Variants in ACTR3C observed in about 807,000 individuals in gnomAD.
ACTR3C encodes actin related protein 3C.
ACTR3C carries 18 observed loss-of-function variants against 26.3 expected under a neutral mutation model. The ratio of observed to expected loss-of-function variants is 0.68; its 90% CI spans 0.47 to 1.01. ACTR3C has a LOEUF of 1.01. ACTR3C is among the 50% of genes least tolerant of loss of function. ACTR3C has a pLI of 0.00. For synonymous variants in ACTR3C, 55 were observed against 94.5 expected, an observed-to-expected ratio of 0.58 and a Z score of 2.42; for missense variants, 184 against 250.7, an observed-to-expected ratio of 0.73 and a Z score of 1.80.
chr7:150,210,701 G>C, the ACTR3C span, among the ~76,000 whole-genome samples: 12 of 149,754 alleles, frequency 8.0e-5, no homozygotes, highest in Non-Finnish European at 1.6e-4. Context: ...AGAAAAAAAA[G>C]ATTGGTTTTC....
the ACTR3C span, among the ~76,000 whole-genome samples, chr7:149,968,971 G>A: frequency 7.9e-5 from 12 of 151,700 alleles, no homozygotes; most frequent in African/African-American, 2.2e-4. Flanking sequence ...AGTCCCATTC[G>A]CTCAGGCACA....
the ACTR3C span, among the ~76,000 whole-genome samples, chr7:149,907,468 C>CTCTCTTCTCT: frequency 1.2e-4 from 14 of 119,636 alleles, no homozygotes; most frequent in East Asian, 1.2e-3. Context: ...CCTCTCTTGC[C>CTCTCTTCTCT]TCTCTTCTCT....
chr7:150,064,746 G>T, the ACTR3C span, among the ~76,000 whole-genome samples: 1 of 151,128 alleles, frequency 6.6e-6, no homozygotes, highest in Non-Finnish European at 1.5e-5. Flanking sequence ...ACTGGGCTTA[G>T]TCAGTGAGTT....
At chr7:149,943,445 G>T in the ACTR3C span, among the ~76,000 whole-genome samples, 302 of 151,458 alleles carry the variant, frequency 2.0e-3, 5 homozygotes, top group African/African-American at 7.2e-3. Flanking sequence ...AAAGTAATAA[G>T]GCCAGGCTCA....
the ACTR3C span, among the ~76,000 whole-genome samples, chr7:150,037,467 C>A: frequency 0.035 from 1,906 of 53,970 alleles, 388 homozygotes; most frequent in African/African-American, 0.12. Flanking sequence ...GTGCCTCCCC[C>A]CCCTGCGATG....
At chr7:149,977,765 G>A in the ACTR3C span, among the ~76,000 whole-genome samples, 1 of 152,174 alleles carries the variant, frequency 6.6e-6, no homozygotes, top group African/African-American at 2.4e-5. Flanking sequence ...ATATTTCTGA[G>A]TTTGCATCTC....
At chr7:150,249,670 G>C (rs4015658) in intron 6 of ACTR3C, among the ~76,000 whole-genome samples, 5 of 152,142 alleles carry the variant, frequency 3.3e-5, no homozygotes, top group African/African-American at 1.2e-4. Flanking sequence ...GGCCAGGCTC[G>C]TCTCGAACTC....
chr7:150,297,875 C>CTT (rs1402211970), intron 1 of ACTR3C, among the ~76,000 whole-genome samples: 1 of 144,170 alleles, frequency 6.9e-6, no homozygotes, highest in Non-Finnish European at 1.5e-5. Context: ...AAAAAAAAGA[C>CTT]TTTTATTTTC....
the ACTR3C span, among the ~76,000 whole-genome samples, chr7:149,903,395 A>G: frequency 2.0e-5 from 3 of 152,206 alleles, no homozygotes; most frequent in Non-Finnish European, 4.4e-5. Flanking sequence ...GCCGGATTAA[A>G]AAAAAATCTT....
the ACTR3C span, among the ~76,000 whole-genome samples, chr7:150,027,891 C>T: frequency 6.6e-6 from 1 of 152,042 alleles, no homozygotes; most frequent in South Asian, 2.1e-4. Context: ...GAAAATTATA[C>T]TTTATTTTCA....
the ACTR3C span, among the ~76,000 whole-genome samples, chr7:150,106,818 G>T: frequency 6.9e-6 from 1 of 145,588 alleles, no homozygotes; most frequent in Admixed American, 6.7e-5. Context: ...GCATACAGGT[G>T]CTTCCCTGGC....
At chr7:149,967,157 C>T in the ACTR3C span, among the ~76,000 whole-genome samples, 3 of 150,104 alleles carry the variant, frequency 2.0e-5, 1 homozygote, top group South Asian at 6.4e-4. Flanking sequence ...GCCTCAGCCT[C>T]CCTAGTAGCT....
intron 6 of ACTR3C, among the ~76,000 whole-genome samples, chr7:150,251,150 C>T (rs1266826035): frequency 2.6e-5 from 4 of 152,176 alleles, no homozygotes; most frequent in Non-Finnish European, 4.4e-5. Context: ...TCCACCATGA[C>T]CAGATCAGCA....
intron 6 of ACTR3C, 40 bp from the exon 7 acceptor site, chr7:150,249,094 C>G (rs1274025253): frequency 2.3e-5 from 14 of 601,514 alleles, no homozygotes; most frequent in Middle Eastern, 2.5e-4. Context: ...AGCAGAGTCT[C>G]ATGGGTCAAT....
chr7:150,064,579 A>T, the ACTR3C span, among the ~76,000 whole-genome samples: 2 of 141,092 alleles, frequency 1.4e-5, no homozygotes, highest in Non-Finnish European at 3.1e-5. Flanking sequence ...AAAAAAAAAA[A>T]GTAGAGAAAA....
At chr7:150,044,895 T>C in the ACTR3C span, 1 of 152,172 alleles carries the variant, frequency 6.6e-6, no homozygotes, top group African/African-American at 2.4e-5. Context: ...GCCACCAGCC[T>C]TGGGATCAGG....
chr7:150,270,452 G>GAGAT (rs1463971334), intron 6 of ACTR3C, among the ~76,000 whole-genome samples: 2 of 150,590 alleles, frequency 1.3e-5, no homozygotes, highest in African/African-American at 4.9e-5. Flanking sequence ...GAGGCACAGT[G>GAGAT]AGATCAAGTA....
chr7:150,233,059 T>G, the ACTR3C span, among the ~76,000 whole-genome samples: 1 of 152,178 alleles, frequency 6.6e-6, no homozygotes, highest in Non-Finnish European at 1.5e-5. Flanking sequence ...TCTTTGGCAC[T>G]CTTCCTTTGT....
chr7:150,282,623 C>T lies in ACTR3C; in HGVS notation c.564+2130G>A, dbSNP rs533899754. 1.4e-4 allele frequency among the ~76,000 whole-genome samples: 20 copies of T among 143,766 alleles called. No individual in the cohort carries two copies. The East Asian group carries it at 3.8e-3, about 28-fold the overall frequency. 94.3% of individuals were successfully genotyped at this position (143,766 alleles called of 152,430 possible). On this transcript the variant is annotated intron_variant, in intron 6 of 7. Coordinates refer to ENST00000683684, the MANE Select transcript of ACTR3C (RefSeq NM_001164458.2). ...GAGGGAAGACAGGATTTATTCTGCA[C>T]AAACTTGACAGCCAGGGCCAAGCTA...
Sources: gnomAD v4.1 joint callset for allele counts (sites outside exome capture counted in the v4.1 genomes callset) on GRCh38, gnomAD v4.1.1 for gene constraint, MANE v1.5 for transcripts, NCBI Gene and HGNC (gene_info 2026-07-23, HGNC 2026-07-21) for gene names.